MYRIP: variants seen among roughly 807,000 people sequenced by gnomAD.
MYRIP encodes the protein myosin VIIA and Rab interacting protein, also known as rab effector MyRIP.
MYRIP carries 49 observed loss-of-function variants against 98.0 expected under a neutral mutation model. That is an observed-to-expected ratio of 0.50 (90% confidence interval 0.40 to 0.63). The LOEUF is 0.63. Among genes scored for constraint, MYRIP ranks in the 30% least tolerant of loss-of-function variants. The pLI is 0.00. For missense variants in MYRIP, 1,004 were observed against 1,058.2 expected (o/e 0.95, Z 0.71); for synonymous variants, 404 against 409.5 (o/e 0.99, Z 0.16).
intron 2 of MYRIP, among the ~76,000 whole-genome samples, chr3:40,017,528 C>T (rs541193784): frequency 9.9e-5 from 15 of 152,244 alleles, no homozygotes; most frequent in African/African-American, 3.4e-4. Flanking sequence ...TCTAATTACT[C>T]ATATTTGTAT....
chr3:40,094,500 G>T (rs1948787731), intron 3 of MYRIP, among the ~76,000 whole-genome samples: 5 of 152,194 alleles, frequency 3.3e-5, no homozygotes. Context: ...AAGGACATCT[G>T]TTGCTAGTTT....
intron 13 of MYRIP, among the ~76,000 whole-genome samples, chr3:40,245,963 T>G (rs1160457007): frequency 3.5e-5 from 5 of 143,708 alleles, no homozygotes; most frequent in Non-Finnish European, 6.0e-5. Flanking sequence ...GGTTTCACCA[T>G]GTTGGCCAGA....
At chr3:39,848,348 A>G (rs916730215) in intron 1 of MYRIP, among the ~76,000 whole-genome samples, 1 of 152,254 alleles carries the variant, frequency 6.6e-6, no homozygotes, top group African/African-American at 2.4e-5. Flanking sequence ...AAACCAGAAT[A>G]CAAGCCTAAT....
intron 1 of MYRIP, among the ~76,000 whole-genome samples, chr3:39,881,635 T>A (rs1038668011): frequency 1.3e-5 from 2 of 152,184 alleles, no homozygotes; most frequent in African/African-American, 4.8e-5. Flanking sequence ...ATGCCTAGTG[T>A]CTTTAAATCC....
intron 2 of MYRIP, among the ~76,000 whole-genome samples, chr3:39,921,758 G>A (rs1209166070): frequency 1.3e-5 from 2 of 151,812 alleles, no homozygotes; most frequent in African/African-American, 2.4e-5. Context: ...GCACATGCCT[G>A]TAGTCCCAGC....
intron 1 of MYRIP, among the ~76,000 whole-genome samples, chr3:39,839,549 C>T (rs555943549): frequency 4.7e-4 from 71 of 152,262 alleles, no homozygotes; most frequent in African/African-American, 1.5e-3. Flanking sequence ...TGGGCCACCG[C>T]GCCTGCCCTC....
intron 4 of MYRIP, among the ~76,000 whole-genome samples, chr3:40,153,040 G>C (rs1950152202): frequency 6.6e-6 from 1 of 151,836 alleles, no homozygotes; most frequent in African/African-American, 2.4e-5. Flanking sequence ...GATCACTTGA[G>C]CCCAGGAGGT....
At chr3:39,972,267 T>C (rs1168145916) in intron 2 of MYRIP, among the ~76,000 whole-genome samples, 1 of 152,042 alleles carries the variant, frequency 6.6e-6, no homozygotes, top group Non-Finnish European at 1.5e-5. Flanking sequence ...TTCTCTGAGG[T>C]AGTAATTTTT....
At chr3:40,035,528 T>C (rs983382253) in intron 2 of MYRIP, among the ~76,000 whole-genome samples, 2 of 151,900 alleles carry the variant, frequency 1.3e-5, no homozygotes, top group Non-Finnish European at 2.9e-5. Context: ...ATGCAACCAA[T>C]AGACGGATTT....
chr3:40,221,066 A>G (rs960569697), intron 11 of MYRIP, among the ~76,000 whole-genome samples: 3 of 132,214 alleles, frequency 2.3e-5, no homozygotes, highest in African/African-American at 2.7e-5. Context: ...AAAAAAAAAA[A>G]GAGAAAATGT....
At chr3:40,131,416 C>G (rs561327307) in intron 3 of MYRIP, among the ~76,000 whole-genome samples, 1 of 152,228 alleles carries the variant, frequency 6.6e-6, no homozygotes, top group East Asian at 1.9e-4. Flanking sequence ...AATTTCACAG[C>G]CTGTGAGGTA....
intron 11 of MYRIP, among the ~76,000 whole-genome samples, chr3:40,230,883 A>T: frequency 6.6e-6 from 1 of 151,032 alleles, no homozygotes; most frequent in African/African-American, 2.4e-5. Context: ...CTGGAGTGCA[A>T]TGGCGGGTCT....
chr3:40,081,754 G>A (rs1948484021), intron 3 of MYRIP, among the ~76,000 whole-genome samples: 1 of 152,176 alleles, frequency 6.6e-6, no homozygotes, highest in African/African-American at 2.4e-5. Context: ...TAGTCAACAT[G>A]TTGTGTAGTA....
intron 2 of MYRIP, among the ~76,000 whole-genome samples, chr3:39,930,172 C>G (rs906794169): frequency 6.6e-6 from 1 of 152,002 alleles, no homozygotes; most frequent in Non-Finnish European, 1.5e-5. Context: ...TTCCCACCAG[C>G]AATGTATGAG....
intron 10 of MYRIP, among the ~76,000 whole-genome samples, chr3:40,198,609 A>AT (rs1951466241): frequency 1.3e-5 from 2 of 152,192 alleles, no homozygotes; most frequent in African/African-American, 2.4e-5. Context: ...GCCAGATACC[A>AT]TTTTGAAATG....
chr3:39,837,516 A>G (rs1360026398), intron 1 of MYRIP, among the ~76,000 whole-genome samples: 3 of 152,216 alleles, frequency 2.0e-5, no homozygotes, highest in South Asian at 2.1e-4. Flanking sequence ...GTCACAGATC[A>G]GATGGCTGTA....
intron 1 of MYRIP, among the ~76,000 whole-genome samples, chr3:39,812,446 A>G (rs1463310097): frequency 1.3e-5 from 2 of 152,172 alleles, no homozygotes; most frequent in African/African-American, 4.8e-5. Flanking sequence ...GTCCCACCAC[A>G]CCTTGATCAT....
intron 3 of MYRIP, among the ~76,000 whole-genome samples, chr3:40,078,492 G>A (rs997544159): frequency 1.1e-4 from 16 of 152,218 alleles, no homozygotes; most frequent in African/African-American, 2.9e-4. Context: ...ACTATTGTAT[G>A]ACTTTCTCAT....
intron 1 of MYRIP, among the ~76,000 whole-genome samples, chr3:39,889,728 GTTGT>G (rs1175702763): frequency 6.6e-6 from 1 of 152,012 alleles, no homozygotes; most frequent in East Asian, 1.9e-4. Flanking sequence ...TGCTTATAAT[GTTGT>G]TTATTATGCG....
Sources: gnomAD v4.1 joint callset for allele counts (sites outside exome capture counted in the v4.1 genomes callset) on GRCh38, gnomAD v4.1.1 for gene constraint, MANE v1.5 for transcripts, NCBI Gene and HGNC (gene_info 2026-07-23, HGNC 2026-07-21) for gene names.